MROH2A: variants seen among roughly 807,000 people sequenced by gnomAD.
MROH2A encodes maestro heat-like repeat-containing protein family member 2A.
Under a neutral mutation model 200.4 loss-of-function variants are expected in MROH2A, and 174 were observed. The ratio of observed to expected loss-of-function variants is 0.87; its 90% confidence interval spans 0.77 to 0.98. The LOEUF is 0.98. Among genes scored for constraint, MROH2A ranks in the 50% least tolerant of loss-of-function variants. The probability of loss-of-function intolerance (pLI) is 0.00; values close to 1 mark genes in which losing one functional copy is unlikely to be tolerated. For missense variants in MROH2A, 2,045 were observed against 2,139.6 expected (o/e 0.96, Z 0.87); for synonymous variants, 829 against 840.4 (o/e 0.99, Z 0.23).
At chr2:233,821,951 T>G (rs1703964580) in intron 31 of MROH2A, among the ~76,000 whole-genome samples, 173 bp from the exon 32 acceptor site, 1 of 152,136 alleles carries the variant, frequency 6.6e-6, no homozygotes, top group Non-Finnish European at 1.5e-5. Flanking sequence ...GAGTATAGTG[T>G]CAGGGGCCTG....
chr2:233,822,715 G>A, intron 33 of MROH2A, 159 bp downstream of exon 33: 1 of 1,141,744 alleles, frequency 8.8e-7, no homozygotes, highest in Non-Finnish European at 1.2e-6. Context: ...GTCAAGCACG[G>A]TGTGGTTTTC....
At chr2:233,805,947 A>G (rs1161885796) in intron 19 of MROH2A, among the ~76,000 whole-genome samples, 1 of 152,216 alleles carries the variant, frequency 6.6e-6, no homozygotes, top group African/African-American at 2.4e-5. Context: ...AAATAAAAGA[A>G]CTAAAATTAT....
intron 13 of MROH2A, 74 bp from the exon 14 acceptor site, chr2:233,800,131 G>T: frequency 1.7e-6 from 2 of 1,179,776 alleles, no homozygotes; most frequent in Non-Finnish European, 2.4e-6. Context: ...CCTGGGGAGT[G>T]AGGAGACCAC....
At position 233,828,061 on chromosome 2, in the gene MROH2A, G is replaced by C. The variant is rs1559484449; in HGVS notation, c.4114-569G>C. Among the ~76,000 whole-genome samples the C allele has an allele frequency of 6.6e-6, 1 of 152,170 alleles. No individual in the cohort carries two copies. Among genetic ancestry groups the C allele is most frequent in the Non-Finnish European group, 1.5e-5 (1 of 68,044 alleles). Reference sequence around the variant, plus strand: ...ACATTTGGAAGCTTAGAGCAACTGCGCCTAATGGGGGTTTAAGGAACTAGA... The same window carrying C: ...ACATTTGGAAGCTTAGAGCAACTGCCCCTAATGGGGGTTTAAGGAACTAGA... On this transcript the variant is annotated intron_variant, in intron 35 of 41. Transcript: ENST00000389758. This position sits in a 1 kb window ranked among gnomAD's most constrained non-coding sequence, Gnocchi z 4.6.
chr2:233,814,929 A>G (rs1485094733), intron 26 of MROH2A, among the ~76,000 whole-genome samples: 2 of 152,208 alleles, frequency 1.3e-5, no homozygotes, highest in Non-Finnish European at 2.9e-5. Context: ...CCACACACAC[A>G]CATCTTTTGA....
intron 3 of MROH2A, among the ~76,000 whole-genome samples, chr2:233,781,275 C>T (rs559526150): frequency 1.4e-4 from 21 of 152,210 alleles, no homozygotes; most frequent in Middle Eastern, 3.4e-3. Flanking sequence ...CTGGATCATA[C>T]GGTAAATCTA....
At chr2:233,826,515 C>T (rs1480545541) in intron 35 of MROH2A, among the ~76,000 whole-genome samples, 1 of 152,170 alleles carries the variant, frequency 6.6e-6, no homozygotes, top group Non-Finnish European at 1.5e-5. Context: ...AACTGGCTAT[C>T]CATTTGCAGA....
intron 3 of MROH2A, 78 bp downstream of exon 3, chr2:233,779,930 G>C: frequency 8.4e-7 from 1 of 1,192,948 alleles, no homozygotes. Context: ...CATAGTTACT[G>C]ACTATCAGAG....
At chr2:233,784,360 TG>T (rs1184835198) in intron 3 of MROH2A, among the ~76,000 whole-genome samples, 1 of 152,222 alleles carries the variant, frequency 6.6e-6, no homozygotes, top group Non-Finnish European at 1.5e-5. Flanking sequence ...AAAGTTTTTT[TG>T]TGGTTGATTT....
At chr2:233,801,577 G>A (rs1011690248) in intron 14 of MROH2A, among the ~76,000 whole-genome samples, 1 of 152,188 alleles carries the variant, frequency 6.6e-6, no homozygotes, top group Non-Finnish European at 1.5e-5. Context: ...GGCGGATGCT[G>A]CAGCCTTGTG....
At position 233,795,714 on chromosome 2, in the gene MROH2A, T is replaced by C. The variant is rs1702061267; in HGVS notation, c.1028T>C (p.Leu343Pro). 3.9e-6 allele frequency: 6 copies of C among 1,551,134 alleles called. No individual in the cohort carries two copies. The East Asian group carries it at 1.5e-4, about 38-fold the overall frequency. Residue 343 changes from leucine (L) to proline (P), a missense_variant, in exon 9 of 42, where the codon CTA becomes CCA. By Grantham distance (98) the Leu-to-Pro change is moderately conservative. Transcript: ENST00000389758. ...AACACCCCTGTCCCCCAAATGCAGC[T>C]ACACACCATTTTCACAGAACTGCAC... ...TTNTPVPQMQ[L>P]HTIFTELHVQ...
Position 233,829,007 on chromosome 2 carries a change from C to T in MROH2A, c.4381C>T (p.Arg1461Trp), listed in dbSNP as rs762835634. The T allele has an allele frequency of 1.8e-5, 28 of 1,550,204 alleles. No homozygotes were observed. The highest frequency in any genetic ancestry group is 1.7e-4 in the South Asian group (14 of 84,016). Reference sequence around the variant, plus strand: ...CCTGACCAAGATCCTGGCTGAGCTCCGGGAAGGGGATGTGGGGTCCTCTTT... The same window carrying T: ...CCTGACCAAGATCCTGGCTGAGCTCTGGGAAGGGGATGTGGGGTCCTCTTT... ...EALTKILAEL[R>W]EGDVGSSFDA... Residue 1461 changes from arginine (R) to tryptophan (W), a missense_variant, in exon 37 of 42, where the codon CGG becomes TGG. Arg to Trp is a moderately radical substitution (Grantham distance 101). Around this residue, in one of 3 missense-constraint regions of MROH2A, gnomAD observed 1,201 missense variants for 1,311.3 expected, o/e 0.92. Transcript: ENST00000389758.
chr2:233,796,139 G>A, intron 10 of MROH2A, 61 bp from the exon 11 acceptor site: 3 of 1,513,758 alleles, frequency 2.0e-6, no homozygotes, highest in East Asian at 4.9e-5. Context: ...GCCTGGGACT[G>A]CCTTGCTGGG....
At chr2:233,775,760 G>C (rs747472799), upstream of MROH2A, 1 of 152,246 alleles carries the variant, frequency 6.6e-6, no homozygotes, top group Non-Finnish European at 1.5e-5. Flanking sequence ...GCCTCTGGGT[G>C]AGTCATATGG....
intron 6 of MROH2A, among the ~76,000 whole-genome samples, chr2:233,793,318 G>A (rs1217332870): frequency 6.6e-6 from 1 of 152,132 alleles, no homozygotes; most frequent in African/African-American, 2.4e-5. Flanking sequence ...TAATGTTCTT[G>A]TGGGCTTATA....
At chr2:233,781,095 C>T (rs1052654593) in intron 3 of MROH2A, among the ~76,000 whole-genome samples, 4 of 152,198 alleles carry the variant, frequency 2.6e-5, no homozygotes, top group Admixed American at 6.5e-5. Context: ...AATAATATTC[C>T]GTTGTCTGTG....
intron 1 of MROH2A, among the ~76,000 whole-genome samples, chr2:233,778,708 A>G (rs6737931): frequency 0.074 from 11,195 of 152,286 alleles, 1,118 homozygotes; most frequent in African/African-American, 0.22. Context: ...TATGAGAGAT[A>G]CTGATATGAA....
chr2:233,817,933 T>G, intron 27 of MROH2A, 69 bp from the exon 28 acceptor site: 2 of 1,534,176 alleles, frequency 1.3e-6, no homozygotes, highest in East Asian at 2.5e-5. Context: ...TCCTTTACAC[T>G]GCCCCTGGGC....
intron 22 of MROH2A, 144 bp from the exon 23 acceptor site, chr2:233,810,648 CAG>C (rs1703095256): frequency 9.5e-7 from 1 of 1,051,680 alleles, no homozygotes; most frequent in Non-Finnish European, 1.3e-6. Context: ...GGTCGAAGGA[CAG>C]AGTGAGGCTG....
Sources: allele counts gnomAD v4.1 joint callset (sites outside exome capture counted in the v4.1 genomes callset), GRCh38; gene constraint gnomAD v4.1.1; regional missense constraint gnomAD v4.1.1; non-coding constraint Gnocchi (gnomAD v3.1); transcripts MANE v1.5; gene names NCBI Gene and HGNC (gene_info 2026-07-23, HGNC 2026-07-21).